The following MLLT3 variants were observed in gnomAD, a reference collection of about 807,000 sequenced individuals.
MLLT3 encodes the protein protein AF-9.
MLLT3 carries 4 observed loss-of-function variants against 53.2 expected under a neutral mutation model. The ratio of observed to expected loss-of-function variants is 0.08; its 90% CI spans 0.04 to 0.17. The LOEUF is 0.17. Ranked by LOEUF, MLLT3 falls within the 10% of genes least tolerant of loss-of-function variation. The probability of loss-of-function intolerance (pLI) is 1.00; values close to 1 mark genes in which losing one functional copy is unlikely to be tolerated. For synonymous variants in MLLT3, 283 were observed against 230.6 expected (o/e 1.23, Z -2.06); for missense variants, 569 against 684.0 (o/e 0.83, Z 1.87).
chr9:20,475,080 T>G (rs963520166), intron 2 of MLLT3, among the ~76,000 whole-genome samples: 3 of 152,098 alleles, frequency 2.0e-5, no homozygotes, highest in Non-Finnish European at 4.4e-5. Context: ...GGGAACTGAA[T>G]GAATGAATGA....
At chr9:20,521,013 G>T (rs1448915428) in intron 2 of MLLT3, among the ~76,000 whole-genome samples, 1 of 152,064 alleles carries the variant, frequency 6.6e-6, no homozygotes, top group Non-Finnish European at 1.5e-5. Context: ...CAGAACCTTT[G>T]AAATAATTTT....
chr9:20,608,211 C>T (rs1459144876), intron 2 of MLLT3, among the ~76,000 whole-genome samples: 6 of 151,856 alleles, frequency 4.0e-5, no homozygotes, highest in Non-Finnish European at 5.9e-5. Context: ...ATTATCAATA[C>T]TATTTATTCT....
chr9:20,393,434 C>T (rs1002023081), intron 5 of MLLT3, among the ~76,000 whole-genome samples: 5 of 152,168 alleles, frequency 3.3e-5, no homozygotes. Context: ...CTGATTGTTG[C>T]ATTTCAAAGG....
intron 5 of MLLT3, among the ~76,000 whole-genome samples, chr9:20,393,687 G>A (rs143035851): frequency 7.9e-5 from 12 of 152,070 alleles, no homozygotes; most frequent in African/African-American, 1.5e-4. Flanking sequence ...TTTTTATTGC[G>A]TGATAAAAGT....
intron 9 of MLLT3, among the ~76,000 whole-genome samples, 169 bp from the exon 10 acceptor site, chr9:20,353,765 C>G (rs936087122): frequency 6.6e-6 from 1 of 152,200 alleles, no homozygotes; most frequent in Non-Finnish European, 1.5e-5. Flanking sequence ...GCAGAACAAG[C>G]CTGTCTTGGA....
intron 5 of MLLT3, among the ~76,000 whole-genome samples, chr9:20,396,817 G>A (rs1822333392): frequency 6.6e-6 from 1 of 152,118 alleles, no homozygotes; most frequent in South Asian, 2.1e-4. Context: ...AACAAAGGGT[G>A]TTGTTGCTGG....
At chr9:20,576,888 C>T (rs1011595836) in intron 2 of MLLT3, among the ~76,000 whole-genome samples, 2 of 152,130 alleles carry the variant, frequency 1.3e-5, no homozygotes, top group Non-Finnish European at 2.9e-5. Context: ...TGCCTGTAGT[C>T]CCAGCTAGTC....
chr9:20,423,931 C>A (rs1158497764), intron 4 of MLLT3, among the ~76,000 whole-genome samples: 10 of 152,028 alleles, frequency 6.6e-5, no homozygotes, highest in Admixed American at 5.2e-4. Flanking sequence ...GCAAGACCAT[C>A]TCCAAAGAAA....
intron 5 of MLLT3, among the ~76,000 whole-genome samples, chr9:20,391,491 T>C (rs1258345693): frequency 1.3e-5 from 2 of 152,152 alleles, no homozygotes; most frequent in African/African-American, 4.8e-5. Context: ...CAGAAAGCCC[T>C]CAAGCTAGAT....
intron 2 of MLLT3, among the ~76,000 whole-genome samples, chr9:20,502,700 A>G (rs1054277061): frequency 6.6e-6 from 1 of 152,248 alleles, no homozygotes; most frequent in African/African-American, 2.4e-5. Context: ...ATGCTATTTT[A>G]TATCAGAGAT....
intron 8 of MLLT3, among the ~76,000 whole-genome samples, chr9:20,357,979 G>A (rs1821211405): frequency 7.3e-6 from 1 of 137,778 alleles, no homozygotes; most frequent in African/African-American, 2.8e-5. Flanking sequence ...CCTCCCTCCT[G>A]CGCACACACA....
At chr9:20,543,143 C>T (rs1818686146) in intron 2 of MLLT3, among the ~76,000 whole-genome samples, 1 of 152,202 alleles carries the variant, frequency 6.6e-6, no homozygotes, top group Non-Finnish European at 1.5e-5. Flanking sequence ...AAACTTTCTC[C>T]ATATTAGCAA....
chr9:20,392,762 T>G (rs1822219838), intron 5 of MLLT3, among the ~76,000 whole-genome samples: 2 of 152,124 alleles, frequency 1.3e-5, no homozygotes, highest in Non-Finnish European at 2.9e-5. Context: ...CCTGTAACCC[T>G]CTGCAAGAGA....
intron 5 of MLLT3, among the ~76,000 whole-genome samples, chr9:20,409,833 T>C (rs1295608988): frequency 2.6e-5 from 4 of 152,230 alleles, no homozygotes; most frequent in Admixed American, 2.6e-4. Flanking sequence ...ACAAAATGTA[T>C]TTAAAAATTA....
chr9:20,544,071 T>A (rs926207077), intron 2 of MLLT3, among the ~76,000 whole-genome samples: 1 of 152,184 alleles, frequency 6.6e-6, no homozygotes, highest in African/African-American at 2.4e-5. Context: ...GGACAAATGA[T>A]CTTCAACAAG....
intron 2 of MLLT3, among the ~76,000 whole-genome samples, chr9:20,572,702 A>G (rs1371735409): frequency 6.6e-6 from 1 of 152,076 alleles, no homozygotes; most frequent in Non-Finnish European, 1.5e-5. Context: ...GTGGAGGCGG[A>G]AGGATTGCTT....
chr9:20,582,961 C>G (rs4610836), intron 2 of MLLT3, among the ~76,000 whole-genome samples: 110,074 of 151,928 alleles, frequency 0.72, 41,240 homozygotes, highest in Middle Eastern at 0.88. Flanking sequence ...CTTCCCAATA[C>G]TCCCCCAAAG....
chr9:20,509,797 C>T (rs771904921), intron 2 of MLLT3, among the ~76,000 whole-genome samples: 3 of 151,988 alleles, frequency 2.0e-5, no homozygotes, highest in Non-Finnish European at 2.9e-5. Context: ...TTATATCCTG[C>T]CAAATGATTA....
chr9:20,518,341 C>T (rs537105702), intron 2 of MLLT3, among the ~76,000 whole-genome samples: 13 of 152,108 alleles, frequency 8.5e-5, no homozygotes, highest in Admixed American at 2.0e-4. Context: ...GCAAAAACTC[C>T]GTCTCAAAAC....
Sources: allele counts gnomAD v4.1 joint callset (sites outside exome capture counted in the v4.1 genomes callset), GRCh38; gene constraint gnomAD v4.1.1; transcripts MANE v1.5; gene names NCBI Gene and HGNC (gene_info 2026-07-23, HGNC 2026-07-21).